The following TMTC2 variants were observed in gnomAD, a reference collection of about 807,000 sequenced individuals.
TMTC2 encodes protein O-mannosyl-transferase TMTC2.
In TMTC2, 43 loss-of-function variants were observed where a neutral mutation model predicts 82.4. The observed-to-expected ratio is 0.52, with a 90% CI of 0.41 to 0.67. The LOEUF (loss-of-function observed/expected upper bound fraction) is 0.67, where lower values mean the gene tolerates loss of function less well. TMTC2 is among the 30% of genes least tolerant of loss of function. The pLI, the probability that TMTC2 is intolerant of heterozygous loss-of-function variation, is 0.00. For synonymous variants in TMTC2, 408 were observed against 381.9 expected (o/e 1.07, Z -0.80); for missense variants, 919 against 1,012.4 (o/e 0.91, Z 1.25).
At chr12:83,080,923 G>T (rs1213744159) in intron 11 of TMTC2, among the ~76,000 whole-genome samples, 1 of 152,132 alleles carries the variant, frequency 6.6e-6, no homozygotes, top group Non-Finnish European at 1.5e-5. Context: ...AAAGTGAAAT[G>T]ACACAGACTT....
chr12:82,724,852 T>C (rs576305502), intron 1 of TMTC2, among the ~76,000 whole-genome samples: 3 of 152,350 alleles, frequency 2.0e-5, no homozygotes, highest in African/African-American at 7.2e-5. Context: ...AAATACTGTG[T>C]GACTTCATGA....
chr12:82,814,586 G>T (rs534688854), intron 1 of TMTC2, among the ~76,000 whole-genome samples: 1 of 152,218 alleles, frequency 6.6e-6, no homozygotes, highest in East Asian at 1.9e-4. Flanking sequence ...GGATTATAAA[G>T]GAAGCAAGTA....
At position 83,079,552 on chromosome 12, in the gene TMTC2, C is replaced by T. The variant is rs1331654781; in HGVS notation, c.2331+17721C>T. On this transcript the variant is annotated intron_variant, in intron 11 of 11. Transcript: ENST00000321196. ...AGATTTTACCTTCTACAACTGTTTG[C>T]TTTTACTTGTAACCACGGGTACACT... 5.9e-5 allele frequency among the ~76,000 whole-genome samples: 9 copies of T among 152,064 alleles called. No homozygotes were observed. In the East Asian group the frequency reaches 1.5e-3, roughly 26 times the overall value.
intron 1 of TMTC2, among the ~76,000 whole-genome samples, chr12:82,727,021 A>G (rs1302081594): frequency 4.0e-5 from 6 of 151,512 alleles, no homozygotes; most frequent in African/African-American, 1.2e-4. Context: ...GCCACAGTTG[A>G]GTGACCTGTT....
At chr12:82,942,407 T>C (rs1876771286) in intron 4 of TMTC2, among the ~76,000 whole-genome samples, 2 of 152,230 alleles carry the variant, frequency 1.3e-5, no homozygotes, top group South Asian at 4.1e-4. Context: ...TGTAACTGAC[T>C]TTTGTTCATA....
intron 11 of TMTC2, among the ~76,000 whole-genome samples, chr12:83,114,245 C>A (rs576790384): frequency 7.4e-5 from 11 of 149,074 alleles, no homozygotes; most frequent in Non-Finnish European, 1.2e-4. Flanking sequence ...GCTCAAGATG[C>A]GAGTAAATCC....
chr12:82,747,180 C>T (rs1186256604), intron 1 of TMTC2, among the ~76,000 whole-genome samples: 1 of 152,174 alleles, frequency 6.6e-6, no homozygotes, highest in Non-Finnish European at 1.5e-5. Flanking sequence ...TAAACACACA[C>T]AGAGTGATCA....
intron 1 of TMTC2, among the ~76,000 whole-genome samples, chr12:82,741,839 C>T (rs1379643828): frequency 6.6e-6 from 1 of 152,220 alleles, no homozygotes; most frequent in East Asian, 1.9e-4. Context: ...AAGAATGGTC[C>T]TTAGACCTAT....
intron 4 of TMTC2, among the ~76,000 whole-genome samples, chr12:82,958,990 A>C (rs1877769674): frequency 6.7e-6 from 1 of 150,208 alleles, no homozygotes; most frequent in South Asian, 2.1e-4. Context: ...TCATGATACA[A>C]AAATTGATGT....
chr12:82,749,860 C>G (rs1875890585), intron 1 of TMTC2, among the ~76,000 whole-genome samples: 1 of 151,060 alleles, frequency 6.6e-6, no homozygotes, highest in Non-Finnish European at 1.5e-5. Context: ...GCCTCTGCTT[C>G]CCAGGTAGCT....
chr12:83,008,502 G>A (rs1880305424), intron 8 of TMTC2, among the ~76,000 whole-genome samples: 1 of 152,120 alleles, frequency 6.6e-6, no homozygotes, highest in Non-Finnish European at 1.5e-5. Flanking sequence ...TGTTAGAGTG[G>A]TTCTAAGAAC....
At chr12:82,780,898 T>C (rs1265252430) in intron 1 of TMTC2, among the ~76,000 whole-genome samples, 1 of 152,062 alleles carries the variant, frequency 6.6e-6, no homozygotes, top group Non-Finnish European at 1.5e-5. Context: ...GGTTTTTTAA[T>C]AGGGTTATGT....
intron 1 of TMTC2, among the ~76,000 whole-genome samples, chr12:82,697,037 T>C (rs12307168): frequency 0.15 from 22,551 of 149,476 alleles, 1,941 homozygotes; most frequent in East Asian, 0.35. Context: ...GGGAAACACA[T>C]ATGGACTTGT....
intron 7 of TMTC2, among the ~76,000 whole-genome samples, chr12:82,985,271 C>CT (rs1879104689): frequency 6.6e-6 from 1 of 151,974 alleles, no homozygotes; most frequent in Non-Finnish European, 1.5e-5. Flanking sequence ...AGGCTGGTCT[C>CT]TAATTCCTAG....
At chr12:82,920,495 G>A (rs1875323694) in intron 3 of TMTC2, among the ~76,000 whole-genome samples, 1 of 152,132 alleles carries the variant, frequency 6.6e-6, no homozygotes, top group African/African-American at 2.4e-5. Flanking sequence ...GCAGACTGTG[G>A]ACTAAGTACA....
At chr12:82,933,144 C>T (rs1876134092) in intron 4 of TMTC2, among the ~76,000 whole-genome samples, 1 of 152,144 alleles carries the variant, frequency 6.6e-6, no homozygotes, top group South Asian at 2.1e-4. Context: ...CTTTAAACCA[C>T]ACTTATCTGT....
intron 1 of TMTC2, chr12:82,759,028 T>G (rs1416840844): frequency 1.3e-5 from 2 of 152,106 alleles, no homozygotes; most frequent in Non-Finnish European, 2.9e-5. Flanking sequence ...TCATCATTGG[T>G]TAAAAAAAAA....
chr12:82,937,927 T>TA lies in TMTC2; in HGVS notation c.1598+7382_1598+7383insA, dbSNP rs1555199282. Among the ~76,000 whole-genome samples, 380 of 89,200 alleles carry TA rather than the reference T, an allele frequency of 4.3e-3. 2 individuals carry two copies. Among genetic ancestry groups the TA allele is most frequent in the African/African-American group, 0.011 (360 of 32,758 alleles). 58.5% of individuals were successfully genotyped at this position (89,200 alleles called of 152,430 possible). ...TCAAACCTTTTTTTTTTTTTATTTT[T>TA]TTTTTTTGAGACAGTCTTACGCTGT... is the stretch of plus-strand genomic sequence containing the variant. On this transcript the variant is annotated intron_variant, in intron 4 of 11. Coordinates refer to ENST00000321196, the MANE Select transcript of TMTC2 (RefSeq NM_152588.3).
At chr12:82,905,224 C>T (rs368997529) in intron 3 of TMTC2, among the ~76,000 whole-genome samples, 2 of 151,966 alleles carry the variant, frequency 1.3e-5, no homozygotes, top group African/African-American at 4.8e-5. Context: ...CATCATAATC[C>T]CAGGCCAACA....
Sources: allele counts gnomAD v4.1 joint callset (sites outside exome capture counted in the v4.1 genomes callset), GRCh38; gene constraint gnomAD v4.1.1; transcripts MANE v1.5; gene names NCBI Gene and HGNC (gene_info 2026-07-23, HGNC 2026-07-21).